The following SLC8A1 variants were observed in gnomAD, a reference collection of about 807,000 sequenced individuals.
The protein encoded by SLC8A1 is sodium/calcium exchanger 1.
SLC8A1 carries 18 observed loss-of-function variants against 68.3 expected under a neutral mutation model. The observed-to-expected ratio is 0.26, with a 90% CI of 0.18 to 0.39. The LOEUF (loss-of-function observed/expected upper bound fraction) is 0.39. Among genes scored for constraint, SLC8A1 ranks in the 10% least tolerant of loss-of-function variants. The probability of loss-of-function intolerance (pLI) is 1.00; values close to 1 mark genes in which losing one functional copy is unlikely to be tolerated. For missense variants in SLC8A1, 985 were observed against 1,156.7 expected (o/e 0.85, Z 2.15); for synonymous variants, 475 against 415.5 (o/e 1.14, Z -1.74).
intron 2 of SLC8A1, among the ~76,000 whole-genome samples, chr2:40,373,744 C>T (rs1559430768): frequency 6.6e-6 from 1 of 151,950 alleles, no homozygotes; most frequent in Non-Finnish European, 1.5e-5. Flanking sequence ...AGTAGATAAA[C>T]AAAATATTCA....
At chr2:40,126,815 T>C (rs184986715) in intron 7 of SLC8A1, among the ~76,000 whole-genome samples, 3 of 152,302 alleles carry the variant, frequency 2.0e-5, no homozygotes, top group East Asian at 3.9e-4. Flanking sequence ...TTATCATCTG[T>C]TTATAAGTAC....
intron 2 of SLC8A1, among the ~76,000 whole-genome samples, chr2:40,371,789 T>C (rs1678185445): frequency 6.6e-6 from 1 of 152,092 alleles, no homozygotes. Flanking sequence ...GGAAACCCGA[T>C]CTCTGGCAGG....
At chr2:40,432,587 T>G (rs1356199204) in intron 1 of SLC8A1, among the ~76,000 whole-genome samples, 1 of 151,328 alleles carries the variant, frequency 6.6e-6, no homozygotes, top group Non-Finnish European at 1.5e-5. Flanking sequence ...AAGGTCCTAA[T>G]GGGAATCATG....
chr2:40,336,721 G>A (rs1341224529), intron 2 of SLC8A1, among the ~76,000 whole-genome samples: 1 of 152,086 alleles, frequency 6.6e-6, no homozygotes, highest in Admixed American at 6.6e-5. Flanking sequence ...CTGCCAGCAT[G>A]TTCCGCTTTA....
chr2:40,389,993 C>T (rs1344009393), intron 2 of SLC8A1, among the ~76,000 whole-genome samples: 1 of 151,816 alleles, frequency 6.6e-6, no homozygotes. Context: ...ATGTTATAAA[C>T]ATTTTCCCTC....
chr2:40,120,837 C>T (rs1572781378), intron 7 of SLC8A1: 2 of 152,214 alleles, frequency 1.3e-5, no homozygotes, highest in South Asian at 4.2e-4. Context: ...CTTCAAATCA[C>T]TCTGACTGGC....
chr2:40,496,799 T>C (rs1349094421), intron 1 of SLC8A1, among the ~76,000 whole-genome samples: 4 of 151,740 alleles, frequency 2.6e-5, no homozygotes, highest in African/African-American at 9.7e-5. Context: ...TCCAATTTCA[T>C]CATTCTCAGT....
intron 2 of SLC8A1, among the ~76,000 whole-genome samples, chr2:40,399,516 G>A (rs1229053977): frequency 6.6e-6 from 1 of 152,104 alleles, no homozygotes; most frequent in Non-Finnish European, 1.5e-5. Flanking sequence ...GTCTGGAATG[G>A]TCTCGTCTCT....
chr2:40,499,952 G>A (rs1303888605), intron 1 of SLC8A1, among the ~76,000 whole-genome samples: 1 of 151,968 alleles, frequency 6.6e-6, no homozygotes, highest in Non-Finnish European at 1.5e-5. Flanking sequence ...AATATTTGAT[G>A]TTTTATAGAA....
intron 2 of SLC8A1, among the ~76,000 whole-genome samples, chr2:40,379,813 C>T (rs1681141067): frequency 6.6e-6 from 1 of 151,954 alleles, no homozygotes; most frequent in Non-Finnish European, 1.5e-5. Flanking sequence ...ACTGAAGTCT[C>T]CTGAAGTCTT....
intron 2 of SLC8A1, among the ~76,000 whole-genome samples, chr2:40,346,366 C>A (rs1669307689): frequency 6.6e-6 from 1 of 152,154 alleles, no homozygotes. Context: ...TCAAAGCGGA[C>A]TGGCATCCCT....
intron 2 of SLC8A1, among the ~76,000 whole-genome samples, chr2:40,228,711 AC>A (rs1308536062): frequency 6.6e-6 from 1 of 152,144 alleles, no homozygotes; most frequent in Non-Finnish European, 1.5e-5. Flanking sequence ...TCTATGTTGA[AC>A]GCAGAAATGG....
chr2:40,383,966 A>C (rs1347513018), intron 2 of SLC8A1, among the ~76,000 whole-genome samples: 1 of 152,116 alleles, frequency 6.6e-6, no homozygotes, highest in African/African-American at 2.4e-5. Flanking sequence ...TAAAGTAATA[A>C]ATGGTAAGCA....
intron 2 of SLC8A1, among the ~76,000 whole-genome samples, chr2:40,422,121 T>C (rs1695678040): frequency 1.3e-5 from 2 of 152,088 alleles, no homozygotes; most frequent in Non-Finnish European, 1.5e-5. Flanking sequence ...TTATCTCATA[T>C]GCCACTTACC....
At chr2:40,200,190 ATT>A (rs1223917921) in intron 2 of SLC8A1, among the ~76,000 whole-genome samples, 3,626 of 16,236 alleles carry the variant, frequency 0.22, 398 homozygotes, top group Non-Finnish European at 0.3. Flanking sequence ...ATATATATAT[ATT>A]TATATATATA....
intron 2 of SLC8A1, among the ~76,000 whole-genome samples, chr2:40,362,521 A>C (rs1164456683): frequency 6.6e-6 from 1 of 152,160 alleles, no homozygotes; most frequent in East Asian, 1.9e-4. Flanking sequence ...AAAATATTTT[A>C]AAATGCTACA....
intron 2 of SLC8A1, among the ~76,000 whole-genome samples, chr2:40,236,193 A>G (rs1408377116): frequency 6.6e-6 from 1 of 151,592 alleles, no homozygotes; most frequent in Non-Finnish European, 1.5e-5. Context: ...TAATGTTGAC[A>G]GTGGGGTGTT....
chr2:40,437,042 A>G (rs956182413), intron 1 of SLC8A1, among the ~76,000 whole-genome samples: 6 of 152,188 alleles, frequency 3.9e-5, no homozygotes, highest in African/African-American at 1.4e-4. Context: ...TTTTCTGACG[A>G]TACTACAAGG....
At chr2:40,305,727 T>C (rs2072453520) in intron 2 of SLC8A1, among the ~76,000 whole-genome samples, 1 of 152,214 alleles carries the variant, frequency 6.6e-6, no homozygotes, top group South Asian at 2.1e-4. Context: ...ACTGACATAA[T>C]TCACTTTCAT....
Sources: gnomAD v4.1 joint callset for allele counts (sites outside exome capture counted in the v4.1 genomes callset) on GRCh38, gnomAD v4.1.1 for gene constraint, MANE v1.5 for transcripts, NCBI Gene and HGNC (gene_info 2026-07-23, HGNC 2026-07-21) for gene names.